Variants in EYA3 observed in about 807,000 individuals in gnomAD.
The protein encoded by EYA3 is EYA transcriptional coactivator and phosphatase 3, also known as protein phosphatase EYA3.
In EYA3, 39 loss-of-function variants were observed where a neutral mutation model predicts 80.0. The ratio of observed to expected loss-of-function variants is 0.49; its 90% CI spans 0.38 to 0.64. The LOEUF is 0.64. Ranked by LOEUF, EYA3 falls within the 30% of genes least tolerant of loss-of-function variation. The pLI is 0.00. For synonymous variants in EYA3, 206 were observed against 232.8 expected (o/e 0.88, Z 1.05); for missense variants, 523 against 676.1 (o/e 0.77, Z 2.51).
intron 3 of EYA3, among the ~76,000 whole-genome samples, chr1:28,047,563 G>C (rs1335819834): frequency 6.8e-6 from 1 of 147,672 alleles, no homozygotes; most frequent in African/African-American, 2.5e-5. Context: ...ACGACAGAAG[G>C]TAAGAACTGT....
At chr1:28,067,352 GT>G (rs1360012407) in intron 1 of EYA3, among the ~76,000 whole-genome samples, 1 of 152,138 alleles carries the variant, frequency 6.6e-6, no homozygotes, top group African/African-American at 2.4e-5. Flanking sequence ...GTGAATACAT[GT>G]TTTTATGTTA....
At chr1:28,071,889 T>C (rs1205535402) in intron 1 of EYA3, among the ~76,000 whole-genome samples, 1 of 152,180 alleles carries the variant, frequency 6.6e-6, no homozygotes, top group Non-Finnish European at 1.5e-5. Flanking sequence ...AAGTTGTTAA[T>C]TCCAACTTCA....
At chr1:28,015,365 T>C (rs1571804831) in intron 8 of EYA3, among the ~76,000 whole-genome samples, 1 of 152,170 alleles carries the variant, frequency 6.6e-6, no homozygotes, top group Admixed American at 6.5e-5. Context: ...CAATAGTATA[T>C]AGCCTGTGGG....
chr1:28,041,796 C>T (rs1452401879), intron 4 of EYA3, among the ~76,000 whole-genome samples: 1 of 152,156 alleles, frequency 6.6e-6, no homozygotes, highest in Non-Finnish European at 1.5e-5. Flanking sequence ...AGACAAGATC[C>T]ACCATGCCCA....
At position 28,006,414 on chromosome 1, in the gene EYA3, A is replaced by T. The variant is rs990985616; in HGVS notation, c.910-1995T>A. Among the ~76,000 whole-genome samples, 6 of 152,130 alleles carry T rather than the reference A, an allele frequency of 3.9e-5. No homozygotes were observed. In the East Asian group the frequency reaches 1.2e-3, roughly 30 times the overall value. On this transcript the variant is annotated intron_variant, in intron 10 of 17. Transcript: ENST00000373871. ...AATATGATAAAGGCCATATATAAAAAATCCATAACTAGCCGGGCGCGGTGG... is the reference window on the plus strand; with the variant it reads ...AATATGATAAAGGCCATATATAAAATATCCATAACTAGCCGGGCGCGGTGG...
intron 1 of EYA3, among the ~76,000 whole-genome samples, chr1:28,073,121 A>ATT (rs1557646031): frequency 2.2e-4 from 10 of 45,812 alleles, no homozygotes; most frequent in African/African-American, 9.1e-4. Flanking sequence ...ATATATATAT[A>ATT]TATATATTTT....
At chr1:28,074,582 C>T (rs546640241) in intron 1 of EYA3, among the ~76,000 whole-genome samples, 169 of 151,004 alleles carry the variant, frequency 1.1e-3, no homozygotes, top group Non-Finnish European at 2.0e-3. Context: ...TGGCAATTGT[C>T]CCTCCTCAGT....
rs1333405353 is a variant in EYA3 at position 28,010,848 on chromosome 1, C to CA, written c.909+98dup. 4 of 1,380,636 alleles carry CA rather than the reference C, an allele frequency of 2.9e-6. No homozygotes were observed. In the East Asian group the frequency reaches 9.2e-5, roughly 32 times the overall value. 85.5% of individuals were successfully genotyped at this position (1,380,636 alleles called of 1,614,324 possible). A position where few individuals can be genotyped will look rare whatever the true frequency, so the allele number is the denominator to read the frequency against. On this transcript the variant is annotated intron_variant, in intron 10 of 17. Transcript: ENST00000373871. The stretch of plus-strand genomic sequence containing the variant: ...TGCTCAGGAATTAAAGGGCACATAA[C>CA]ATAGTGCACATTATCTCTGTGAGCT...
chr1:28,084,828 C>T (rs2148965446), intron 1 of EYA3, among the ~76,000 whole-genome samples: 1 of 151,148 alleles, frequency 6.6e-6, no homozygotes, highest in Admixed American at 6.6e-5. Flanking sequence ...AGGCTGTTCT[C>T]CAACTCCTGA....
intron 1 of EYA3, among the ~76,000 whole-genome samples, chr1:28,068,552 C>CT (rs935780983): frequency 8.1e-4 from 117 of 144,500 alleles, no homozygotes; most frequent in Middle Eastern, 3.6e-3. Flanking sequence ...AATAACATTC[C>CT]TTTTTTTTTT....
intron 7 of EYA3, among the ~76,000 whole-genome samples, chr1:28,023,830 G>C (rs774603345): frequency 6.6e-6 from 1 of 152,188 alleles, no homozygotes; most frequent in Non-Finnish European, 1.5e-5. Context: ...ATTGTAACAA[G>C]TGTAATATAC....
chr1:27,984,324 C>G (rs1639505973), intron 16 of EYA3, among the ~76,000 whole-genome samples: 1 of 152,096 alleles, frequency 6.6e-6, no homozygotes, highest in African/African-American at 2.4e-5. Flanking sequence ...ATGTGCCCAG[C>G]TTGTCACTTT....
In EYA3 at chr1:27,991,390, T is replaced by C. The variant is rs140170791; in HGVS notation, c.1304-1579A>G. Reference sequence around the variant, plus strand: ...ACTGTACTTCTGAAACAACTCCAACTGATAAGACACTAAAACACTACCCAA... The same window carrying C: ...ACTGTACTTCTGAAACAACTCCAACCGATAAGACACTAAAACACTACCCAA... On this transcript the variant is annotated intron_variant, in intron 14 of 17. Transcript: ENST00000373871. 2.0e-3 allele frequency among the ~76,000 whole-genome samples: 302 copies of C among 152,230 alleles called. 2 individuals are homozygous for C. The highest frequency in any genetic ancestry group is 7.1e-3 in the African/African-American group (293 of 41,544).
At position 27,971,057 on chromosome 1, in the gene EYA3, C is replaced by T. The variant is rs1436492348; in HGVS notation, c.*3409G>A. The T allele has an allele frequency of 6.6e-6, 1 of 152,218 alleles. No homozygotes were observed. The highest frequency in any genetic ancestry group is 6.5e-5 in the Admixed American group (1 of 15,286). 9.4% of individuals were successfully genotyped at this position (152,218 alleles called of 1,614,324 possible). The stretch of plus-strand genomic sequence containing the variant: ...TCAGTCTCTTGGGACAACTCACTAG[C>T]TTTACAGAAGACAGGAACGCCGCAA... On this transcript the variant is annotated 3_prime_UTR_variant, in exon 18 of 18. Transcript: ENST00000373871.
rs747543512 is a variant in EYA3, at chr1:27,985,643, G to A, written c.1540+2892C>T. On this transcript the variant is annotated intron_variant, in intron 16 of 17. Transcript: ENST00000373871. Reference sequence around the variant, plus strand: ...GTCACCCAGGCTGGAGTGCAGTGGCGCCATCTCGGCTTACCGCAACCTCCA... The same window carrying A: ...GTCACCCAGGCTGGAGTGCAGTGGCACCATCTCGGCTTACCGCAACCTCCA... Among the ~76,000 whole-genome samples, 5 of 151,994 alleles carry A rather than the reference G, an allele frequency of 3.3e-5. No homozygotes were observed. The East Asian group carries it at 7.7e-4, about 24-fold the overall frequency.
chr1:28,005,633 T>C (rs1641211281), intron 10 of EYA3, among the ~76,000 whole-genome samples: 1 of 151,662 alleles, frequency 6.6e-6, no homozygotes, highest in Non-Finnish European at 1.5e-5. Context: ...GAGGATCACT[T>C]GGGCGTGGGA....
chr1:28,008,893 G>A (rs1276472224), intron 10 of EYA3, among the ~76,000 whole-genome samples: 3 of 152,164 alleles, frequency 2.0e-5, no homozygotes, highest in South Asian at 2.1e-4. Context: ...GCAATGAGCC[G>A]AGATTGTGCC....
chr1:28,062,660 G>T (rs944387103), intron 1 of EYA3, among the ~76,000 whole-genome samples: 2 of 134,766 alleles, frequency 1.5e-5, no homozygotes, highest in African/African-American at 5.9e-5. Context: ...ATATGTAGGT[G>T]TGTGTGTGTG....
Position 28,003,143 on chromosome 1 carries a change from G to A in EYA3, c.993+1193C>T, listed in dbSNP as rs185520584. ...AAATTAGCTGGGCGTGGTGGCAGGC[G>A]CCTGTAGTCCTAGCTACTGGGGAGG... On this transcript the variant is annotated intron_variant, in intron 11 of 17. Coordinates refer to ENST00000373871, the MANE Select transcript of EYA3 (RefSeq NM_001990.4). 9.1e-3 allele frequency among the ~76,000 whole-genome samples: 1,376 copies of A among 151,116 alleles called. 14 individuals carry two copies. Among genetic ancestry groups the A allele is most frequent in the Middle Eastern group, 0.055 (16 of 290 alleles).
Sources: gnomAD v4.1 joint callset for allele counts (sites outside exome capture counted in the v4.1 genomes callset) on GRCh38, gnomAD v4.1.1 for gene constraint, MANE v1.5 for transcripts, NCBI Gene and HGNC (gene_info 2026-07-23, HGNC 2026-07-21) for gene names.